CTNND2: variants seen among roughly 807,000 people sequenced by gnomAD.
The protein encoded by CTNND2 is catenin delta 2, also known as catenin delta-2.
A neutral mutation model predicts 144.4 loss-of-function variants in CTNND2; 22 were observed. That is an observed-to-expected ratio of 0.15 (90% CI 0.11 to 0.22). The LOEUF is 0.22. Ranked by LOEUF, CTNND2 falls within the 10% of genes least tolerant of loss-of-function variation. The probability of loss-of-function intolerance (pLI) is 1.00; values close to 1 mark genes in which losing one functional copy is unlikely to be tolerated. For missense variants in CTNND2, 1,353 were observed against 1,618.8 expected (o/e 0.84, Z 2.82); for synonymous variants, 751 against 695.6 (o/e 1.08, Z -1.25).
intron 3 of CTNND2, among the ~76,000 whole-genome samples, chr5:11,435,146 T>TTTAA (rs983721853): frequency 2.7e-5 from 4 of 150,204 alleles, no homozygotes; most frequent in African/African-American, 7.5e-5. Flanking sequence ...TATTTATTTA[T>TTTAA]TTAATTTTTT....
intron 3 of CTNND2, among the ~76,000 whole-genome samples, chr5:11,536,089 A>C (rs1774194035): frequency 7.9e-5 from 12 of 152,122 alleles, no homozygotes; most frequent in Admixed American, 7.9e-4. Flanking sequence ...TTAGTGACAA[A>C]TTCTCACTCT....
chr5:11,830,956 T>A (rs941329197), intron 1 of CTNND2, among the ~76,000 whole-genome samples: 2 of 152,220 alleles, frequency 1.3e-5, no homozygotes, highest in Non-Finnish European at 2.9e-5. Context: ...CACCAAAGCA[T>A]GAAATATATA....
chr5:11,310,645 T>C (rs1247175169), intron 9 of CTNND2, among the ~76,000 whole-genome samples: 1 of 151,802 alleles, frequency 6.6e-6, no homozygotes, highest in Non-Finnish European at 1.5e-5. Context: ...GACCCGGATT[T>C]ACCGACCTCT....
At chr5:11,150,922 A>G (rs1036302873) in intron 12 of CTNND2, among the ~76,000 whole-genome samples, 3 of 152,088 alleles carry the variant, frequency 2.0e-5, no homozygotes, top group African/African-American at 7.2e-5. Context: ...CACCGCGTCC[A>G]GCCTGAACTG....
chr5:11,547,848 T>G (rs1033404009), intron 3 of CTNND2, among the ~76,000 whole-genome samples: 2 of 152,190 alleles, frequency 1.3e-5, no homozygotes, highest in African/African-American at 4.8e-5. Context: ...GGAGAGAAGT[T>G]GAGGATGTTC....
chr5:11,123,385 A>G (rs1370449543), intron 12 of CTNND2, among the ~76,000 whole-genome samples: 1 of 152,194 alleles, frequency 6.6e-6, no homozygotes, highest in East Asian at 1.9e-4. Flanking sequence ...CCACCAGGGA[A>G]TATTTTTGGT....
chr5:11,098,758 G>A lies in CTNND2; in HGVS notation c.2464-10C>T, dbSNP rs1554043160. 6.2e-7 allele frequency: 1 copy of A among 1,609,940 alleles called. No individual in the cohort carries two copies. Among genetic ancestry groups the A allele is most frequent in the Non-Finnish European group, 8.5e-7 (1 of 1,178,488 alleles). On this transcript the variant is annotated splice_polypyrimidine_tract_variant and intron_variant, in intron 14 of 21. Coordinates refer to ENST00000304623, the MANE Select transcript of CTNND2 (RefSeq NM_001332.4). ...GTCCTACTCCATCCCACTGGCGGAA[G>A]AAAAACAAGAGAGCAAACATCTTTA...
chr5:11,838,515 C>T (rs1794295742), intron 1 of CTNND2, among the ~76,000 whole-genome samples: 1 of 152,040 alleles, frequency 6.6e-6, no homozygotes, highest in Non-Finnish European at 1.5e-5. Flanking sequence ...CAGGGATAGA[C>T]ATGGACGTTG....
At chr5:11,077,732 G>A (rs975210025) in intron 16 of CTNND2, among the ~76,000 whole-genome samples, 1 of 152,142 alleles carries the variant, frequency 6.6e-6, no homozygotes, top group African/African-American at 2.4e-5. Flanking sequence ...CTAGGTAAGG[G>A]GGTGCTCAGG....
intron 10 of CTNND2, among the ~76,000 whole-genome samples, chr5:11,230,620 A>C (rs245091): frequency 6.6e-6 from 1 of 151,870 alleles, no homozygotes; most frequent in Non-Finnish European, 1.5e-5. Context: ...ATATTCATTC[A>C]CCCATGAATA....
At chr5:11,411,112 T>C (rs1256116928) in intron 5 of CTNND2, among the ~76,000 whole-genome samples, 1 of 152,072 alleles carries the variant, frequency 6.6e-6, no homozygotes, top group Non-Finnish European at 1.5e-5. Flanking sequence ...GACCTTGTGA[T>C]CTGCCCATCT....
intron 10 of CTNND2, among the ~76,000 whole-genome samples, chr5:11,202,049 T>C (rs1486538227): frequency 1.3e-5 from 2 of 152,204 alleles, no homozygotes; most frequent in East Asian, 3.8e-4. Context: ...TTCAAAGTTC[T>C]CTGAATTTAG....
chr5:11,383,227 G>A (rs984121372), intron 7 of CTNND2, among the ~76,000 whole-genome samples: 9 of 152,098 alleles, frequency 5.9e-5, no homozygotes, highest in Admixed American at 1.3e-4. Flanking sequence ...GACTCCCTGC[G>A]CCTCAGTCTC....
intron 5 of CTNND2, among the ~76,000 whole-genome samples, chr5:11,398,385 T>C (rs912352922): frequency 2.0e-5 from 3 of 152,186 alleles, no homozygotes; most frequent in Non-Finnish European, 4.4e-5. Flanking sequence ...GCATCCTCTT[T>C]TAAATAACAT....
chr5:11,726,295 G>A (rs1412355633), intron 2 of CTNND2, among the ~76,000 whole-genome samples: 1 of 152,016 alleles, frequency 6.6e-6, no homozygotes, highest in Non-Finnish European at 1.5e-5. Flanking sequence ...AAACATGTTT[G>A]AAATAATATT....
intron 9 of CTNND2, among the ~76,000 whole-genome samples, chr5:11,240,638 C>T (rs1483719696): frequency 7.2e-6 from 1 of 138,540 alleles, no homozygotes; most frequent in Non-Finnish European, 1.6e-5. Flanking sequence ...ACATACACAC[C>T]AAACATACCC....
chr5:11,309,333 C>T (rs893306888), intron 9 of CTNND2, among the ~76,000 whole-genome samples: 9 of 152,200 alleles, frequency 5.9e-5, no homozygotes, highest in African/African-American at 2.2e-4. Context: ...GGCAGAGCTC[C>T]CCAAGGCTTT....
chr5:11,212,423 A>G (rs991636920), intron 10 of CTNND2, among the ~76,000 whole-genome samples: 2 of 152,214 alleles, frequency 1.3e-5, no homozygotes, highest in African/African-American at 4.8e-5. Flanking sequence ...TTAAACTCTC[A>G]AATGCTTGGA....
chr5:11,693,272 A>G (rs921814587), intron 2 of CTNND2, among the ~76,000 whole-genome samples: 6 of 152,188 alleles, frequency 3.9e-5, no homozygotes, highest in African/African-American at 7.2e-5. Context: ...CAGCCCCCAG[A>G]ACTCTGATAA....
Sources: gnomAD v4.1 joint callset for allele counts (sites outside exome capture counted in the v4.1 genomes callset) on GRCh38, gnomAD v4.1.1 for gene constraint, MANE v1.5 for transcripts, NCBI Gene and HGNC (gene_info 2026-07-23, HGNC 2026-07-21) for gene names.